HTR1F: variants seen among roughly 807,000 people sequenced by gnomAD.
HTR1F encodes 5-hydroxytryptamine (serotonin) receptor 1F, G protein-coupled.
HTR1F carries 17 observed loss-of-function variants against 24.0 expected under a neutral mutation model. That is an observed-to-expected ratio of 0.71 (90% CI 0.48 to 1.06). The LOEUF (loss-of-function observed/expected upper bound fraction) is 1.06, where lower values mean the gene tolerates loss of function less well. HTR1F is among the 50% of genes least tolerant of loss of function. The pLI is 0.00. For synonymous variants in HTR1F, 186 were observed against 156.8 expected (o/e 1.19, Z -1.39); for missense variants, 391 against 427.8 (o/e 0.91, Z 0.76).
chr3:87,894,348 C>A (rs1345634944), intron 2 of HTR1F, among the ~76,000 whole-genome samples: 3 of 151,536 alleles, frequency 2.0e-5, no homozygotes, highest in Non-Finnish European at 4.4e-5. Context: ...CCTCTGCCTA[C>A]AGGATTCAAG....
intron 2 of HTR1F, among the ~76,000 whole-genome samples, chr3:87,853,760 C>T (rs1005122928): frequency 3.3e-5 from 5 of 152,054 alleles, no homozygotes; most frequent in African/African-American, 4.8e-5. Flanking sequence ...GCCTTTCTGA[C>T]TGGTGTGAGA....
At chr3:87,946,239 G>T (rs1413548917) in intron 2 of HTR1F, among the ~76,000 whole-genome samples, 1 of 152,144 alleles carries the variant, frequency 6.6e-6, no homozygotes, top group African/African-American at 2.4e-5. Flanking sequence ...ATGCGACGGC[G>T]GCAAACGGCA....
chr3:87,879,224 C>A (rs1386368159), intron 2 of HTR1F, among the ~76,000 whole-genome samples: 2 of 152,118 alleles, frequency 1.3e-5, no homozygotes, highest in Non-Finnish European at 2.9e-5. Context: ...AATTGTTAAA[C>A]AGAATTAAAA....
chr3:87,912,792 A>G (rs1703809203), intron 2 of HTR1F, among the ~76,000 whole-genome samples: 1 of 152,166 alleles, frequency 6.6e-6, no homozygotes, highest in Non-Finnish European at 1.5e-5. Context: ...CTCCACACCT[A>G]CAATCATCTG....
chr3:87,841,293 T>TA (rs1024428698), intron 2 of HTR1F, among the ~76,000 whole-genome samples: 6 of 151,856 alleles, frequency 4.0e-5, no homozygotes, highest in Non-Finnish European at 5.9e-5. Context: ...ATTTAATAAA[T>TA]AAAAAATAGA....
intron 2 of HTR1F, among the ~76,000 whole-genome samples, chr3:87,902,856 T>C (rs1163466615): frequency 6.6e-6 from 1 of 151,114 alleles, no homozygotes; most frequent in Non-Finnish European, 1.5e-5. Context: ...GTGTTTGGTT[T>C]TTTGTTCTTG....
At chr3:87,840,995 C>T (rs1007616660) in intron 2 of HTR1F, among the ~76,000 whole-genome samples, 1 of 151,838 alleles carries the variant, frequency 6.6e-6, no homozygotes, top group African/African-American at 2.4e-5. Context: ...AGATAAGAGA[C>T]ACAGTTCTGA....
chr3:87,960,928 G>C (rs1705045389), intron 2 of HTR1F, among the ~76,000 whole-genome samples: 1 of 151,826 alleles, frequency 6.6e-6, no homozygotes, highest in Non-Finnish European at 1.5e-5. Context: ...AAAGTAGCTG[G>C]AACTCTCTTT....
intron 2 of HTR1F, among the ~76,000 whole-genome samples, chr3:87,851,475 C>T (rs528577054): frequency 6.6e-6 from 1 of 151,722 alleles, no homozygotes; most frequent in African/African-American, 2.4e-5. Flanking sequence ...TAATTTCTTA[C>T]ATATATAGGG....
At chr3:87,857,014 C>T (rs1365177883) in intron 2 of HTR1F, among the ~76,000 whole-genome samples, 2 of 152,032 alleles carry the variant, frequency 1.3e-5, no homozygotes, top group Non-Finnish European at 2.9e-5. Flanking sequence ...TTTCCCCAGA[C>T]TTATTAGTGT....
chr3:87,942,733 G>A lies in HTR1F; in HGVS notation c.-42-47975G>A, dbSNP rs537250790. Among the ~76,000 whole-genome samples the A allele has an allele frequency of 4.3e-4, 62 of 145,120 alleles. No individual in the cohort carries two copies. The East Asian group carries it at 0.011, about 26-fold the overall frequency. On this transcript the variant is annotated intron_variant, in intron 2 of 2. Transcript: ENST00000319595. ...CTTGCCTGAGGGCCATGACTAAAGC[G>A]GTGGCCTTTTTTTTTTTTATCCTGT...
At chr3:87,945,885 C>T (rs944497109) in intron 2 of HTR1F, among the ~76,000 whole-genome samples, 5 of 152,128 alleles carry the variant, frequency 3.3e-5, no homozygotes, top group African/African-American at 1.2e-4. Flanking sequence ...CCCAGAGCTC[C>T]CAAGATGGTG....
chr3:87,832,914 C>T (rs1029572020), intron 2 of HTR1F, among the ~76,000 whole-genome samples: 2 of 152,104 alleles, frequency 1.3e-5, no homozygotes, highest in African/African-American at 2.4e-5. Context: ...AGTTTTGTTC[C>T]GTCTGTTGTT....
At chr3:87,945,829 G>A (rs1314054079) in intron 2 of HTR1F, among the ~76,000 whole-genome samples, 2 of 152,132 alleles carry the variant, frequency 1.3e-5, no homozygotes, top group Non-Finnish European at 2.9e-5. Context: ...CACGGCTTTA[G>A]AGGTCCCTTC....
At chr3:87,875,684 G>A (rs1393161228) in intron 2 of HTR1F, among the ~76,000 whole-genome samples, 1 of 151,896 alleles carries the variant, frequency 6.6e-6, no homozygotes, top group Admixed American at 6.6e-5. Flanking sequence ...CATCACTTTG[G>A]GAGGCCGAGG....
At chr3:87,946,158 T>C (rs997161357) in intron 2 of HTR1F, among the ~76,000 whole-genome samples, 2 of 152,150 alleles carry the variant, frequency 1.3e-5, no homozygotes, top group Admixed American at 6.5e-5. Flanking sequence ...GGAGCGGCAA[T>C]GGGCGCATCG....
rs60994421 is a variant in HTR1F at position 87,925,060 on chromosome 3, C to CT, written c.-42-65638dup. On this transcript the variant is annotated intron_variant, in intron 2 of 2. Coordinates refer to ENST00000319595, the MANE Select transcript of HTR1F (RefSeq NM_001322209.2). ...CTAAGTCCCAAAGGTTTTATTCATT[C>CT]TTTTTTTTTTGTCTCTTCATGATTT... Among the ~76,000 whole-genome samples, 367 of 148,466 alleles carry CT rather than the reference C, an allele frequency of 2.5e-3. 3 individuals carry two copies. Among genetic ancestry groups the CT allele is most frequent in the African/African-American group, 5.2e-3 (212 of 40,552 alleles).
chr3:87,840,715 G>A (rs1284344009), intron 2 of HTR1F, among the ~76,000 whole-genome samples: 1 of 150,316 alleles, frequency 6.7e-6, no homozygotes, highest in African/African-American at 2.5e-5. Flanking sequence ...TTTTTAAAAT[G>A]TGATGTATAT....
At chr3:87,843,878 T>G (rs1177712970) in intron 2 of HTR1F, among the ~76,000 whole-genome samples, 1 of 151,804 alleles carries the variant, frequency 6.6e-6, no homozygotes, top group Admixed American at 6.6e-5. Flanking sequence ...TATGGCTGCA[T>G]AGTATTCCAT....
Sources: gnomAD v4.1 joint callset for allele counts (sites outside exome capture counted in the v4.1 genomes callset) on GRCh38, gnomAD v4.1.1 for gene constraint, MANE v1.5 for transcripts, NCBI Gene and HGNC (gene_info 2026-07-23, HGNC 2026-07-21) for gene names.